IFT74: variants seen among roughly 807,000 people sequenced by gnomAD.
The protein encoded by IFT74 is intraflagellar transport protein 74 homolog.
Under a neutral mutation model 96.7 loss-of-function variants are expected in IFT74, and 92 were observed. That is an observed-to-expected ratio of 0.95 (90% CI 0.80 to 1.13). The LOEUF (loss-of-function observed/expected upper bound fraction) is 1.13. IFT74 is among the 50% of genes most tolerant of loss of function. The pLI, the probability that IFT74 is intolerant of heterozygous loss-of-function variation, is 0.00. For synonymous variants in IFT74, 223 were observed against 213.2 expected (o/e 1.05, Z -0.40); for missense variants, 811 against 698.2 (o/e 1.16, Z -1.82).
At chr9:27,045,064 G>C (rs1228633973) in intron 14 of IFT74, among the ~76,000 whole-genome samples, 1 of 152,204 alleles carries the variant, frequency 6.6e-6, no homozygotes, top group Non-Finnish European at 1.5e-5. Flanking sequence ...GAAACCTATA[G>C]ACCAGGGGTC....
At chr9:26,947,188 C>T (rs781321765) in intron 1 of IFT74, 188 of 993,044 alleles carry the variant, frequency 1.9e-4, no homozygotes, top group South Asian at 7.0e-4. Flanking sequence ...AGAGCCGGTA[C>T]GGAAGGGCGG....
chr9:27,018,027 G>C, intron 11 of IFT74, among the ~76,000 whole-genome samples: 1 of 152,150 alleles, frequency 6.6e-6, no homozygotes, highest in Non-Finnish European at 1.5e-5. Context: ...TTTCAAAAAG[G>C]TATTAAATCT....
chr9:26,973,709 C>T (rs1339198954), intron 2 of IFT74, among the ~76,000 whole-genome samples: 2 of 152,106 alleles, frequency 1.3e-5, no homozygotes. Flanking sequence ...AAGATTTTTG[C>T]CTTAAATCCT....
chr9:27,003,546 C>G (rs1254980252), intron 8 of IFT74, among the ~76,000 whole-genome samples: 1 of 151,956 alleles, frequency 6.6e-6, no homozygotes, highest in Non-Finnish European at 1.5e-5. Context: ...AAAAACTAAT[C>G]AGAGTAGGCA....
chr9:27,012,479 A>G lies in IFT74; in HGVS notation c.789+511A>G, dbSNP rs117365881. ...GCAATGCTCCTGCCTTGGCTTCCCAATGTGCTGGGATTACAGGCATGAGGC... is the reference window on the plus strand; with the variant it reads ...GCAATGCTCCTGCCTTGGCTTCCCAGTGTGCTGGGATTACAGGCATGAGGC... On this transcript the variant is annotated intron_variant, in intron 10 of 19. Coordinates refer to ENST00000380062, the MANE Select transcript of IFT74 (RefSeq NM_025103.4). Among the ~76,000 whole-genome samples, 10 of 152,192 alleles carry G rather than the reference A, an allele frequency of 6.6e-5. No homozygotes were observed. In the East Asian group the frequency reaches 1.7e-3, roughly 27 times the overall value.
Position 27,056,385 on chromosome 9 carries a change from A to G in IFT74, c.1549A>G (p.Lys517Glu), listed in dbSNP as rs1352900423. 14 of 1,598,948 alleles carry G rather than the reference A, an allele frequency of 8.8e-6. No individual in the cohort carries two copies. Among genetic ancestry groups the G allele is most frequent in the African/African-American group, 4.0e-5 (3 of 74,360 alleles). Residue 517 changes from lysine to glutamate, a missense_variant, in exon 18 of 20, where the codon AAA (lysine) becomes GAA (glutamate). Lys to Glu is a moderately conservative substitution (Grantham distance 56). Transcript: ENST00000380062. ...ATCAACCCACAGAAATGCCTTTAAG[A>G]AAATAATGGAGAAGCAAAACATAGA... ...ILSTHRNAFK[K>E]IMEKQNIEYE...
intron 6 of IFT74, 117 bp from the exon 7 acceptor site, chr9:26,988,552 T>C: frequency 2.1e-6 from 2 of 971,822 alleles, no homozygotes; most frequent in Non-Finnish European, 2.9e-6. Context: ...TTCAAAAGTA[T>C]TAATACTTAA....
At position 26,988,644 on chromosome 9, in the gene IFT74, T is replaced by G. The variant is rs551475524; in HGVS notation, c.466-25T>G. On this transcript the variant is annotated intron_variant, in intron 6 of 19. Coordinates refer to ENST00000380062, the MANE Select transcript of IFT74 (RefSeq NM_025103.4). ...GTGTAAAGACTAACAAAATGGTGTT[T>G]GTTTGTTTGTATTTTTGTTTTTAGT... is the stretch of plus-strand genomic sequence containing the variant. 4.3e-4 allele frequency: 664 copies of G among 1,530,804 alleles called. 5 individuals carry two copies. The South Asian group carries it at 5.7e-3, about 13-fold the overall frequency. 94.8% of individuals were successfully genotyped at this position (1,530,804 alleles called of 1,614,324 possible).
intron 9 of IFT74, among the ~76,000 whole-genome samples, chr9:27,010,083 G>A (rs993939098): frequency 6.6e-6 from 1 of 151,696 alleles, no homozygotes; most frequent in Admixed American, 6.6e-5. Flanking sequence ...CGCCTCCCGG[G>A]TTCATGCCAT....
chr9:26,957,992 A>G (rs1826193573), intron 1 of IFT74, among the ~76,000 whole-genome samples: 1 of 151,974 alleles, frequency 6.6e-6, no homozygotes. Flanking sequence ...TGATCTCGTG[A>G]TCCACCCGCC....
At position 27,011,939 on chromosome 9, in the gene IFT74, C is replaced by G; in HGVS notation, c.760C>G (p.Gln254Glu). The G allele has an allele frequency of 6.3e-7, 1 of 1,583,008 alleles. No homozygotes were observed. The highest frequency in any genetic ancestry group is 8.6e-7 in the Non-Finnish European group (1 of 1,165,870). The change falls in exon 10 of 20, where the codon CAG becomes GAG. Residue 254 changes from glutamine to glutamate, a missense_variant. Coordinates refer to ENST00000380062, the MANE Select transcript of IFT74 (RefSeq NM_025103.4). Reference sequence around the variant, plus strand: ...TACACTTCAACAACAATTGGATTCACAGAACATGAAAAAAGAGAGCCTGGA... The same window carrying G: ...TACACTTCAACAACAATTGGATTCAGAGAACATGAAAAAAGAGAGCCTGGA... Reference protein sequence around the residue: ...LDTLQQQLDSQNMKKESLEAE... With the variant: ...LDTLQQQLDSENMKKESLEAE...
chr9:27,020,115 A>G (rs1829530442), intron 12 of IFT74, among the ~76,000 whole-genome samples: 1 of 152,028 alleles, frequency 6.6e-6, no homozygotes, highest in Non-Finnish European at 1.5e-5. Context: ...AGCTGGGACT[A>G]CAGGCACACA....
chr9:27,028,394 A>T (rs544492780), intron 12 of IFT74, among the ~76,000 whole-genome samples: 17 of 152,220 alleles, frequency 1.1e-4, no homozygotes, highest in Admixed American at 3.3e-4. Flanking sequence ...GAAAGTTGGG[A>T]GGGGGTGTGC....
At chr9:27,010,532 C>T (rs796782153) in intron 9 of IFT74, among the ~76,000 whole-genome samples, 3 of 150,400 alleles carry the variant, frequency 2.0e-5, no homozygotes, top group Non-Finnish European at 4.4e-5. Context: ...CTCTGTCGCC[C>T]GGGCTGGAGT....
chr9:27,046,123 A>G (rs1190959862), intron 14 of IFT74, among the ~76,000 whole-genome samples: 2 of 152,306 alleles, frequency 1.3e-5, no homozygotes, highest in South Asian at 2.1e-4. Context: ...CTGAAAGACA[A>G]TGTTCATTTA....
At chr9:27,033,152 A>C (rs920488000) in intron 13 of IFT74, among the ~76,000 whole-genome samples, 1 of 152,160 alleles carries the variant, frequency 6.6e-6, no homozygotes, top group Non-Finnish European at 1.5e-5. Context: ...TCTGAGCTTG[A>C]GTCTTTTCAT....
At position 27,066,114 on chromosome 9, in the gene IFT74, A is replaced by T. The variant is rs1212676174; in HGVS notation, c.*3378A>T. Among the ~76,000 whole-genome samples the T allele has an allele frequency of 6.6e-6, 1 of 152,184 alleles. No individual in the cohort carries two copies. The highest frequency in any genetic ancestry group is 2.4e-5 in the African/African-American group (1 of 41,450). On this transcript the variant is annotated 3_prime_UTR_variant, in exon 20 of 20. Transcript: ENST00000380062. ...TTTATGCACCTTTAATTAAATTAAA[A>T]TTATATTGTTTTTAATTTTACATTT... is the stretch of plus-strand genomic sequence containing the variant.
chr9:26,962,194 GT>G, intron 2 of IFT74, 107 bp downstream of exon 2: 1 of 933,696 alleles, frequency 1.1e-6, no homozygotes, highest in Non-Finnish European at 1.6e-6. Context: ...CTGCACCCCA[GT>G]TTTTGAGTTT....
At chr9:27,034,945 G>T (rs186029428) in intron 13 of IFT74, among the ~76,000 whole-genome samples, 233 of 151,916 alleles carry the variant, frequency 1.5e-3, no homozygotes, top group African/African-American at 5.3e-3. Flanking sequence ...CTTTATCTTA[G>T]TTTTTTTTCT....
Sources: allele counts gnomAD v4.1 joint callset (sites outside exome capture counted in the v4.1 genomes callset), GRCh38; gene constraint gnomAD v4.1.1; transcripts MANE v1.5; gene names NCBI Gene and HGNC (gene_info 2026-07-23, HGNC 2026-07-21).